DCAF6: variants seen among roughly 807,000 people sequenced by gnomAD.
DCAF6 encodes the protein DDB1 and CUL4 associated factor 6.
A neutral mutation model predicts 125.1 loss-of-function variants in DCAF6; 54 were observed. The observed-to-expected ratio is 0.43, with a 90% CI of 0.35 to 0.54. DCAF6 has a LOEUF of 0.54. Among genes scored for constraint, DCAF6 ranks in the 20% least tolerant of loss-of-function variants. The pLI is 0.01. For synonymous variants in DCAF6, 371 were observed against 390.4 expected, an observed-to-expected ratio of 0.95 and a Z score of 0.58; for missense variants, 934 against 1,161.7, an observed-to-expected ratio of 0.80 and a Z score of 2.85.
chr1:167,880,263 G>A, the DCAF6 span: 49 of 1,372,320 alleles, frequency 3.6e-5, no homozygotes, highest in Non-Finnish European at 4.9e-5. Context: ...GGGAAGGGTG[G>A]GAAATAATGT....
intron 7 of DCAF6, among the ~76,000 whole-genome samples, chr1:167,997,226 A>G (rs1180341584): frequency 2.0e-5 from 3 of 152,228 alleles, no homozygotes; most frequent in African/African-American, 7.2e-5. Flanking sequence ...TTCTATAAAT[A>G]ATTGCTGAGG....
intron 8 of DCAF6, among the ~76,000 whole-genome samples, chr1:168,002,858 C>T (rs780899129): frequency 5.3e-5 from 8 of 152,014 alleles, no homozygotes; most frequent in Non-Finnish European, 1.0e-4. Flanking sequence ...CCCCATAGTA[C>T]GTTGGGTATT....
intron 18 of DCAF6, chr1:168,064,029 T>G (rs1459506789): frequency 5.1e-6 from 1 of 195,984 alleles, no homozygotes; most frequent in Admixed American, 6.2e-5. Context: ...TTTTTTTTTT[T>G]TCCCCCTCTC....
upstream of DCAF6, among the ~76,000 whole-genome samples, chr1:167,934,721 G>A (rs1301760588): frequency 6.6e-6 from 1 of 152,146 alleles, no homozygotes. Flanking sequence ...TTTTAACTAT[G>A]TAGGAGAATA....
the DCAF6 span, among the ~76,000 whole-genome samples, chr1:167,883,074 A>G: frequency 6.6e-6 from 1 of 152,222 alleles, no homozygotes; most frequent in Non-Finnish European, 1.5e-5. Context: ...GTCTCACGCT[A>G]TAGCCCAGGC....
At chr1:167,998,811 T>G (rs1477704534) in intron 7 of DCAF6, 1 of 153,004 alleles carries the variant, frequency 6.5e-6, no homozygotes, top group African/African-American at 2.4e-5. Flanking sequence ...GTTCTTTTGT[T>G]GTTTTCACCT....
intron 7 of DCAF6, among the ~76,000 whole-genome samples, chr1:167,996,260 A>G (rs911362372): frequency 6.8e-6 from 1 of 147,916 alleles, no homozygotes; most frequent in Admixed American, 6.7e-5. Context: ...TTATTTTTCT[A>G]TCCTTTTTTC....
At chr1:167,951,747 A>ATT in intron 1 of DCAF6, 53 bp from the exon 2 acceptor site, 2 of 1,198,038 alleles carry the variant, frequency 1.7e-6, no homozygotes, top group Non-Finnish European at 2.5e-6. Flanking sequence ...TCTGTGTTAT[A>ATT]TTTTTCTCAG....
the DCAF6 span, chr1:167,899,354 G>C: frequency 6.7e-7 from 1 of 1,492,238 alleles, no homozygotes; most frequent in Non-Finnish European, 9.3e-7. Flanking sequence ...CGTGCCCAGT[G>C]ACTCTTCTGG....
the DCAF6 span, among the ~76,000 whole-genome samples, chr1:167,868,972 T>C: frequency 1.1e-4 from 16 of 152,346 alleles, no homozygotes; most frequent in African/African-American, 3.8e-4. Context: ...TCAAAATAGA[T>C]TGGCTCTCGA....
At chr1:167,980,447 C>T (rs1362393653) in intron 4 of DCAF6, among the ~76,000 whole-genome samples, 1 of 152,122 alleles carries the variant, frequency 6.6e-6, no homozygotes, top group African/African-American at 2.4e-5. Flanking sequence ...CAGCTGTGTG[C>T]AAGGGTGCCA....
intron 12 of DCAF6, among the ~76,000 whole-genome samples, chr1:168,030,162 G>A (rs1686881888): frequency 1.3e-5 from 2 of 152,114 alleles, no homozygotes. Context: ...ATATAAGAAA[G>A]GGGAAATAGC....
chr1:168,066,933 T>A (rs1692418341), intron 20 of DCAF6, among the ~76,000 whole-genome samples: 1 of 152,184 alleles, frequency 6.6e-6, no homozygotes, highest in Admixed American at 6.5e-5. Flanking sequence ...GAGTGAAGAA[T>A]CTTTTCCTTT....
At chr1:167,987,871 A>AT (rs2102988092) in intron 5 of DCAF6, among the ~76,000 whole-genome samples, 1 of 152,170 alleles carries the variant, frequency 6.6e-6, no homozygotes, top group Non-Finnish European at 1.5e-5. Flanking sequence ...ATTTATGAAA[A>AT]TTCAAATAAT....
chr1:167,948,737 C>T (rs531348765), intron 1 of DCAF6, among the ~76,000 whole-genome samples: 9 of 152,174 alleles, frequency 5.9e-5, no homozygotes, highest in African/African-American at 1.7e-4. Flanking sequence ...CTGCAGCCTC[C>T]GCCTCCCAGG....
chr1:167,916,166 G>A, the DCAF6 span, among the ~76,000 whole-genome samples: 56 of 152,298 alleles, frequency 3.7e-4, no homozygotes, highest in Admixed American at 9.1e-4. Flanking sequence ...TGATAACTAG[G>A]CTATGTGTTC....
intron 5 of DCAF6, 151 bp from the exon 6 acceptor site, chr1:167,991,053 A>G: frequency 1.8e-6 from 1 of 563,286 alleles, no homozygotes. Context: ...AGTTAAAAGA[A>G]AGCCGTATTG....
intron 10 of DCAF6, among the ~76,000 whole-genome samples, chr1:168,007,989 T>TTTTTA (rs71100921): frequency 7.5e-6 from 1 of 134,060 alleles, no homozygotes; most frequent in African/African-American, 3.0e-5. Context: ...TTTTTTTTTT[T>TTTTTA]AAAGACAGTC....
At chr1:168,044,442 GA>G in intron 14 of DCAF6, 142 bp from the exon 15 acceptor site, 1 of 637,718 alleles carries the variant, frequency 1.6e-6, no homozygotes, top group Admixed American at 2.7e-5. Context: ...ACAGTATAAG[GA>G]AGGGTATGCA....
Sources: allele counts gnomAD v4.1 joint callset (sites outside exome capture counted in the v4.1 genomes callset), GRCh38; gene constraint gnomAD v4.1.1; transcripts MANE v1.5; gene names NCBI Gene and HGNC (gene_info 2026-07-23, HGNC 2026-07-21).